Variants in NMNAT2 observed in about 807,000 individuals in gnomAD.
NMNAT2 encodes the protein nicotinamide/nicotinic acid mononucleotide adenylyltransferase 2.
A neutral mutation model predicts 41.6 loss-of-function variants in NMNAT2; 11 were observed. The observed-to-expected ratio is 0.26, with a 90% confidence interval of 0.17 to 0.44. The LOEUF is 0.44. Among genes scored for constraint, NMNAT2 ranks in the 20% least tolerant of loss-of-function variants. The pLI, the probability that NMNAT2 is intolerant of heterozygous loss-of-function variation, is 1.00. For missense variants in NMNAT2, 288 were observed against 407.7 expected (o/e 0.71, Z 2.53); for synonymous variants, 148 against 151.2 (o/e 0.98, Z 0.16).
intron 3 of NMNAT2, among the ~76,000 whole-genome samples, chr1:183,291,909 C>T (rs1440707024): frequency 3.3e-5 from 5 of 152,170 alleles, no homozygotes; most frequent in South Asian, 2.1e-4. Flanking sequence ...CAAATCACTG[C>T]GCACAAATAG....
intron 1 of NMNAT2, among the ~76,000 whole-genome samples, chr1:183,401,165 T>C (rs190418631): frequency 1.0e-3 from 157 of 152,304 alleles, no homozygotes; most frequent in African/African-American, 3.7e-3. Context: ...AATCCACCCA[T>C]CTGACAAAGG....
intron 1 of NMNAT2, among the ~76,000 whole-genome samples, chr1:183,357,882 G>A (rs1453954833): frequency 2.0e-5 from 3 of 151,960 alleles, no homozygotes; most frequent in Non-Finnish European, 4.4e-5. Context: ...GTTTAACTCA[G>A]TAATCCCATT....
chr1:183,270,855 G>T (rs1660968036), intron 8 of NMNAT2, among the ~76,000 whole-genome samples: 1 of 152,200 alleles, frequency 6.6e-6, no homozygotes, highest in Non-Finnish European at 1.5e-5. Flanking sequence ...AACCATCTGA[G>T]CCTGAATAGC....
chr1:183,253,606 C>T (rs1660446122), intron 10 of NMNAT2, among the ~76,000 whole-genome samples: 1 of 152,064 alleles, frequency 6.6e-6, no homozygotes, highest in South Asian at 2.1e-4. Context: ...CACACTTGAC[C>T]CTGGTAATCA....
intron 1 of NMNAT2, among the ~76,000 whole-genome samples, chr1:183,307,178 T>C (rs1262237119): frequency 2.0e-5 from 3 of 152,298 alleles, no homozygotes; most frequent in African/African-American, 2.4e-5. Flanking sequence ...GCCCCTTTTG[T>C]CCTGCTTCCC....
At chr1:183,354,824 G>C (rs1663148114) in intron 1 of NMNAT2, among the ~76,000 whole-genome samples, 1 of 152,056 alleles carries the variant, frequency 6.6e-6, no homozygotes, top group African/African-American at 2.4e-5. Flanking sequence ...AATCACCACA[G>C]GCACCACCTA....
intron 1 of NMNAT2, among the ~76,000 whole-genome samples, chr1:183,383,592 A>G (rs1438602353): frequency 6.6e-6 from 1 of 152,194 alleles, no homozygotes; most frequent in African/African-American, 2.4e-5. Context: ...GCCAGGCTAC[A>G]TCTTGAATGT....
chr1:183,270,590 C>T (rs1247406275), intron 8 of NMNAT2, among the ~76,000 whole-genome samples: 3 of 152,018 alleles, frequency 2.0e-5, no homozygotes, highest in African/African-American at 7.3e-5. Flanking sequence ...GAAATCATCC[C>T]CACTCCCACT....
intron 1 of NMNAT2, among the ~76,000 whole-genome samples, chr1:183,336,895 A>G (rs1054855179): frequency 6.6e-6 from 1 of 152,224 alleles, no homozygotes; most frequent in African/African-American, 2.4e-5. Flanking sequence ...GATACAATCT[A>G]CTACTTGCAA....
intron 1 of NMNAT2, among the ~76,000 whole-genome samples, chr1:183,385,472 T>C (rs895577129): frequency 1.3e-5 from 2 of 152,116 alleles, no homozygotes; most frequent in Admixed American, 6.6e-5. Context: ...CTAATTGAGA[T>C]AAAACAAAAC....
intron 1 of NMNAT2, among the ~76,000 whole-genome samples, chr1:183,390,261 G>A (rs995158875): frequency 6.6e-6 from 1 of 152,150 alleles, no homozygotes; most frequent in East Asian, 1.9e-4. Flanking sequence ...GAGATACACA[G>A]ATCTTAATGA....
chr1:183,360,692 G>A lies in NMNAT2; in HGVS notation c.85+57491C>T, dbSNP rs147346383. On this transcript the variant is annotated intron_variant, in intron 1 of 10. Transcript: ENST00000287713. Reference sequence around the variant, plus strand: ...AAACAGGCTGAAGGAGAAAGGAAACGAATCTATAAAATTGGCAGTGTGCCT... The same window carrying A: ...AAACAGGCTGAAGGAGAAAGGAAACAAATCTATAAAATTGGCAGTGTGCCT... Among the ~76,000 whole-genome samples, 534 of 152,256 alleles carry A rather than the reference G, an allele frequency of 3.5e-3. 7 individuals are homozygous for A. Among genetic ancestry groups the A allele is most frequent in the African/African-American group, 0.011 (454 of 41,548 alleles).
chr1:183,272,542 T>C lies in NMNAT2; in HGVS notation c.651+6011A>G, dbSNP rs16860725. ...CTGTGGGCTAATGGATCTTTGTGCC[T>C]AATGGGAAATGCCACAAGGGATGTG... On this transcript the variant is annotated intron_variant, in intron 8 of 10. Coordinates refer to ENST00000287713, the MANE Select transcript of NMNAT2 (RefSeq NM_015039.4). 6.4e-3 allele frequency among the ~76,000 whole-genome samples: 978 copies of C among 152,330 alleles called. 11 individuals are homozygous for C. Among genetic ancestry groups the C allele is most frequent in the African/African-American group, 0.023 (937 of 41,580 alleles).
intron 1 of NMNAT2, among the ~76,000 whole-genome samples, chr1:183,312,770 T>A (rs1485789741): frequency 6.6e-6 from 1 of 152,168 alleles, no homozygotes; most frequent in Non-Finnish European, 1.5e-5. Flanking sequence ...TAAGTCTCAA[T>A]TTCTTCATCT....
chr1:183,414,659 C>G (rs1649207465), intron 1 of NMNAT2, among the ~76,000 whole-genome samples: 1 of 152,176 alleles, frequency 6.6e-6, no homozygotes, highest in Non-Finnish European at 1.5e-5. Flanking sequence ...TCAAATATCT[C>G]TCACAAATAC....
chr1:183,285,154 T>C (rs1267214187), intron 5 of NMNAT2, among the ~76,000 whole-genome samples: 1 of 152,222 alleles, frequency 6.6e-6, no homozygotes. Flanking sequence ...TGTTGGCATG[T>C]CATTTATTTT....
rs554050377 is a variant in NMNAT2, at chr1:183,261,585, T to C, written c.652-282A>G. Among the ~76,000 whole-genome samples the C allele has an allele frequency of 4.3e-4, 65 of 152,272 alleles. 2 individuals are homozygous for C. The South Asian group carries it at 0.012, about 28-fold the overall frequency. On this transcript the variant is annotated intron_variant, in intron 8 of 10. Coordinates refer to ENST00000287713, the MANE Select transcript of NMNAT2 (RefSeq NM_015039.4). ...CTCTTATATGTCTGGGCAAGATCTCTCCAATTCCTGAGGCTCCCGTTAAGT... is the reference window on the plus strand; with the variant it reads ...CTCTTATATGTCTGGGCAAGATCTCCCCAATTCCTGAGGCTCCCGTTAAGT...
At chr1:183,403,446 C>T (rs1039085862) in intron 1 of NMNAT2, among the ~76,000 whole-genome samples, 14 of 151,360 alleles carry the variant, frequency 9.2e-5, no homozygotes, top group African/African-American at 2.9e-4. Context: ...AACAACCCCC[C>T]CCCCCAAAAA....
At chr1:183,339,898 C>T (rs1463468671) in intron 1 of NMNAT2, among the ~76,000 whole-genome samples, 1 of 151,854 alleles carries the variant, frequency 6.6e-6, no homozygotes, top group Non-Finnish European at 1.5e-5. Flanking sequence ...CCTGGAACCA[C>T]AGGCATGTAC....
Sources: allele counts gnomAD v4.1 joint callset (sites outside exome capture counted in the v4.1 genomes callset), GRCh38; gene constraint gnomAD v4.1.1; transcripts MANE v1.5; gene names NCBI Gene and HGNC (gene_info 2026-07-23, HGNC 2026-07-21).